FMO5: variants seen among roughly 807,000 people sequenced by gnomAD.
FMO5 encodes the protein flavin-containing monooxygenase 5.
In FMO5, 51 loss-of-function variants were observed where a neutral mutation model predicts 43.6. That is an observed-to-expected ratio of 1.17 (90% confidence interval 0.93 to 1.48). The LOEUF (loss-of-function observed/expected upper bound fraction) is 1.48. Ranked by LOEUF, FMO5 falls within the 40% of genes most tolerant of loss-of-function variation. The pLI, the probability that FMO5 is intolerant of heterozygous loss-of-function variation, is 0.00. For synonymous variants in FMO5, 187 were observed against 216.5 expected (o/e 0.86, Z 1.20); for missense variants, 644 against 643.0 (o/e 1.00, Z -0.02).
intron 2 of FMO5, among the ~76,000 whole-genome samples, chr1:147,221,439 T>C (rs982656956): frequency 5.9e-5 from 9 of 152,198 alleles, no homozygotes; most frequent in Non-Finnish European, 1.3e-4. Context: ...ATTAAAAGCT[T>C]ATTTAAACAT....
At chr1:147,190,629 T>C (rs1443160143) in intron 7 of FMO5, among the ~76,000 whole-genome samples, 1 of 152,124 alleles carries the variant, frequency 6.6e-6, no homozygotes, top group East Asian at 1.9e-4. Flanking sequence ...ACCTGTATTC[T>C]TGATAACAAA....
At chr1:147,194,507 A>C (rs1433678144) in intron 7 of FMO5, among the ~76,000 whole-genome samples, 1 of 152,134 alleles carries the variant, frequency 6.6e-6, no homozygotes, top group African/African-American at 2.4e-5. Context: ...GCCCATTTAC[A>C]TTTAAAGTTA....
At chr1:147,224,583 C>T (rs1410963381) in intron 2 of FMO5, among the ~76,000 whole-genome samples, 2 of 152,052 alleles carry the variant, frequency 1.3e-5, no homozygotes, top group African/African-American at 4.8e-5. Flanking sequence ...GATCTCGGCT[C>T]ACTGCAAGCT....
chr1:147,196,369 G>A (rs1571208829), intron 7 of FMO5, among the ~76,000 whole-genome samples: 1 of 151,952 alleles, frequency 6.6e-6, no homozygotes, highest in Non-Finnish European at 1.5e-5. Context: ...CAAAATAAGC[G>A]TTTTGAGAGT....
chr1:147,194,541 T>C (rs1342315643), intron 7 of FMO5, among the ~76,000 whole-genome samples: 1 of 152,098 alleles, frequency 6.6e-6, no homozygotes, highest in Non-Finnish European at 1.5e-5. Flanking sequence ...TGAATTTGGT[T>C]CTGTGATTAT....
upstream of FMO5, chr1:147,225,573 C>T (rs1238188165): frequency 1.3e-5 from 2 of 155,358 alleles, no homozygotes; most frequent in African/African-American, 4.8e-5. Context: ...CTCTCAATTA[C>T]TTTCTCTGAA....
At chr1:147,215,652 A>T in intron 3 of FMO5, 102 bp downstream of exon 3, 1 of 839,132 alleles carries the variant, frequency 1.2e-6, no homozygotes, top group Non-Finnish European at 1.9e-6. Context: ...TACATGTGCA[A>T]ATCAAGCCAA....
intron 8 of FMO5, among the ~76,000 whole-genome samples, chr1:147,189,601 G>T (rs587643168): frequency 1.3e-5 from 2 of 152,222 alleles, no homozygotes; most frequent in East Asian, 3.9e-4. Flanking sequence ...AACACCCAGC[G>T]ATTGAGCTTA....
At chr1:147,202,215 T>C (rs1309423763) in intron 6 of FMO5, among the ~76,000 whole-genome samples, 2 of 151,712 alleles carry the variant, frequency 1.3e-5, no homozygotes, top group East Asian at 1.9e-4. Context: ...ACTGGAAACA[T>C]TGGGTTGGTG....
At chr1:147,226,975 G>A (rs181376082), upstream of FMO5, among the ~76,000 whole-genome samples, 1 of 151,798 alleles carries the variant, frequency 6.6e-6, no homozygotes, top group Non-Finnish European at 1.5e-5. Flanking sequence ...GACTACAGCT[G>A]TGTGCCACCA....
chr1:147,205,040 T>A, intron 6 of FMO5: 1 of 690,006 alleles, frequency 1.4e-6, no homozygotes, highest in Non-Finnish European at 2.6e-6. Flanking sequence ...TCTTCCATCT[T>A]TGCTATATAG....
At chr1:147,218,385 G>A (rs1391205994) in intron 2 of FMO5, among the ~76,000 whole-genome samples, 1 of 150,994 alleles carries the variant, frequency 6.6e-6, no homozygotes, top group Non-Finnish European at 1.5e-5. Context: ...ACAGGCACGC[G>A]CCACTATGCC....
At chr1:147,216,076 C>G (rs1661942390) in intron 2 of FMO5, 134 bp from the exon 3 acceptor site, 2 of 621,866 alleles carry the variant, frequency 3.2e-6, no homozygotes, top group African/African-American at 3.7e-5. Flanking sequence ...TATTTGTGCC[C>G]TTATGTAGTC....
chr1:147,203,593 A>T (rs1330726653), intron 6 of FMO5: 1 of 1,096,180 alleles, frequency 9.1e-7, no homozygotes. Flanking sequence ...CACGGGGAAT[A>T]GCTTCAAACG....
intron 6 of FMO5, chr1:147,204,260 T>A: frequency 9.1e-7 from 1 of 1,103,620 alleles, no homozygotes; most frequent in South Asian, 1.2e-5. Context: ...TCTGTTTCCT[T>A]CTTAAAAACC....
upstream of FMO5, among the ~76,000 whole-genome samples, chr1:147,227,164 A>C (rs1664036072): frequency 6.6e-6 from 1 of 152,254 alleles, no homozygotes; most frequent in African/African-American, 2.4e-5. Flanking sequence ...CTTTCACAAA[A>C]GCATTCAACT....
chr1:147,204,048 T>G, intron 6 of FMO5: 1 of 1,168,980 alleles, frequency 8.6e-7, no homozygotes, highest in Non-Finnish European at 1.3e-6. Flanking sequence ...TCTGCCACTT[T>G]GCCACCTGTT....
chr1:147,203,569 T>C, intron 6 of FMO5: 1 of 1,000,434 alleles, frequency 1.0e-6, no homozygotes, highest in South Asian at 1.3e-5. Context: ...TTCTCCAGAG[T>C]ATTTCTGCCA....
intron 2 of FMO5, among the ~76,000 whole-genome samples, chr1:147,217,285 T>G (rs1662187753): frequency 6.6e-6 from 1 of 152,032 alleles, no homozygotes; most frequent in African/African-American, 2.4e-5. Flanking sequence ...CTATTAACTA[T>G]CTTATAGCAT....
Sources: gnomAD v4.1 joint callset for allele counts (sites outside exome capture counted in the v4.1 genomes callset) on GRCh38, gnomAD v4.1.1 for gene constraint, MANE v1.5 for transcripts, NCBI Gene and HGNC (gene_info 2026-07-23, HGNC 2026-07-21) for gene names.